ATP8A1: variants seen among roughly 807,000 people sequenced by gnomAD.
The protein encoded by ATP8A1 is ATPase phospholipid transporting 8A1.
In ATP8A1, 90 loss-of-function variants were observed where a neutral mutation model predicts 177.7. The observed-to-expected ratio is 0.51, with a 90% CI of 0.43 to 0.60. The LOEUF is 0.60. Ranked by LOEUF, ATP8A1 falls within the 20% of genes least tolerant of loss-of-function variation. The probability of loss-of-function intolerance (pLI) is 0.00; values close to 1 mark genes in which losing one functional copy is unlikely to be tolerated. For missense variants in ATP8A1, 1,072 were observed against 1,392.8 expected, an observed-to-expected ratio of 0.77 and a Z score of 3.67; for synonymous variants, 493 against 485.9, an observed-to-expected ratio of 1.01 and a Z score of -0.19.
At chr4:42,458,792 C>T (rs1052744268) in intron 27 of ATP8A1, among the ~76,000 whole-genome samples, 29 of 152,196 alleles carry the variant, frequency 1.9e-4, no homozygotes, top group African/African-American at 7.0e-4. Flanking sequence ...TTCCACCTCC[C>T]AGTAGAGGCG....
At chr4:42,545,697 G>T (rs1728836285) in intron 19 of ATP8A1, among the ~76,000 whole-genome samples, 2 of 151,976 alleles carry the variant, frequency 1.3e-5, no homozygotes, top group South Asian at 4.1e-4. Context: ...TTTTTGCCCG[G>T]GTATGGTGGC....
chr4:42,435,294 C>T (rs913400919), intron 33 of ATP8A1, among the ~76,000 whole-genome samples: 8 of 151,854 alleles, frequency 5.3e-5, no homozygotes, highest in Admixed American at 2.0e-4. Context: ...GGCGTGGTGG[C>T]GGGCACCTGT....
At chr4:42,468,450 CACAGACACACACATACACAT>C (rs1270424605) in intron 25 of ATP8A1, among the ~76,000 whole-genome samples, 33 of 125,078 alleles carry the variant, frequency 2.6e-4, no homozygotes, top group African/African-American at 8.6e-4. Context: ...CACACACACA[CACAGACACACACATACACAT>C]ATATGAATGA....
At chr4:42,633,061 T>C (rs898015058) in intron 1 of ATP8A1, among the ~76,000 whole-genome samples, 1 of 152,218 alleles carries the variant, frequency 6.6e-6, no homozygotes, top group African/African-American at 2.4e-5. Flanking sequence ...ACAGCAACAG[T>C]TGCCTTCCTT....
intron 33 of ATP8A1, among the ~76,000 whole-genome samples, chr4:42,434,178 TA>T (rs950786199): frequency 1.3e-5 from 2 of 152,170 alleles, no homozygotes; most frequent in Admixed American, 6.5e-5. Flanking sequence ...ACAGTATTAG[TA>T]AAAAAAATTT....
intron 24 of ATP8A1, among the ~76,000 whole-genome samples, chr4:42,488,376 G>A (rs1051876489): frequency 2.6e-5 from 4 of 151,542 alleles, no homozygotes; most frequent in Non-Finnish European, 2.9e-5. Context: ...GCGGTAGCCT[G>A]TCTTTTTCTA....
At chr4:42,486,789 C>T (rs542015026) in intron 24 of ATP8A1, among the ~76,000 whole-genome samples, 6 of 152,266 alleles carry the variant, frequency 3.9e-5, no homozygotes, top group South Asian at 2.1e-4. Flanking sequence ...GTGTTACAAC[C>T]GCCTACAGTA....
chr4:42,575,655 A>G lies in ATP8A1; in HGVS notation c.1173T>C (p.Ala391=). ...GTTCCTCATTCAGATTAGATGTTCG[A>G]GCCATAGCAGCAGTGTCTGTGGGTT... The part of the protein sequence containing the change: ...HYEPTDTAAM[A]RTSNLNEELG... The change falls in exon 13 of 37, where the codon GCT becomes GCC. Residue 391 remains alanine (A), a synonymous_variant. Coordinates refer to ENST00000381668, the MANE Select transcript of ATP8A1 (RefSeq NM_006095.2). 2 of 1,613,760 alleles carry G rather than the reference A, an allele frequency of 1.2e-6. No homozygotes were observed. The highest frequency in any genetic ancestry group is 1.7e-6 in the Non-Finnish European group (2 of 1,179,752).
At chr4:42,549,302 T>C (rs1343488889) in intron 18 of ATP8A1, among the ~76,000 whole-genome samples, 1 of 152,110 alleles carries the variant, frequency 6.6e-6, no homozygotes, top group Non-Finnish European at 1.5e-5. Flanking sequence ...TCTTAGAATA[T>C]AACCTGTCCA....
At chr4:42,416,868 A>G (rs1021384833) in intron 35 of ATP8A1, among the ~76,000 whole-genome samples, 2 of 152,208 alleles carry the variant, frequency 1.3e-5, no homozygotes, top group Non-Finnish European at 2.9e-5. Context: ...CAACTAGAAC[A>G]GAGATCATCA....
chr4:42,555,151 TATCTATCTATCTATC>T (rs1730040410), intron 16 of ATP8A1, among the ~76,000 whole-genome samples: 1 of 100,216 alleles, frequency 1.0e-5, no homozygotes, highest in South Asian at 3.1e-4. Flanking sequence ...TCTATCTATC[TATCTATCTATCTATC>T]TATCTATCTA....
chr4:42,430,319 A>G (rs1055084921), intron 33 of ATP8A1, among the ~76,000 whole-genome samples: 1 of 151,912 alleles, frequency 6.6e-6, no homozygotes, highest in Non-Finnish European at 1.5e-5. Flanking sequence ...TGTACATACT[A>G]TTCTTAACAG....
intron 35 of ATP8A1, among the ~76,000 whole-genome samples, chr4:42,422,337 G>A (rs951358290): frequency 6.6e-6 from 1 of 152,062 alleles, no homozygotes; most frequent in African/African-American, 2.4e-5. Flanking sequence ...TTATCTGCCC[G>A]CCTCGGCCTC....
At chr4:42,607,632 G>T (rs967469366) in intron 5 of ATP8A1, among the ~76,000 whole-genome samples, 6 of 146,870 alleles carry the variant, frequency 4.1e-5, no homozygotes, top group Admixed American at 2.0e-4. Flanking sequence ...GATTCTACAG[G>T]TTTTTTTTTT....
At chr4:42,490,663 T>G (rs1370564845) in intron 24 of ATP8A1, among the ~76,000 whole-genome samples, 1 of 152,214 alleles carries the variant, frequency 6.6e-6, no homozygotes, top group Non-Finnish European at 1.5e-5. Flanking sequence ...TTCACTTCTC[T>G]TTGCATCTTC....
At chr4:42,491,521 T>A (rs1474131116) in intron 24 of ATP8A1, among the ~76,000 whole-genome samples, 1 of 152,166 alleles carries the variant, frequency 6.6e-6, no homozygotes, top group Non-Finnish European at 1.5e-5. Context: ...AAAACAGGCC[T>A]ATATCATAAA....
intron 29 of ATP8A1, among the ~76,000 whole-genome samples, chr4:42,454,252 T>A (rs1038092756): frequency 6.6e-6 from 1 of 152,204 alleles, no homozygotes; most frequent in African/African-American, 2.4e-5. Context: ...CCTAGCACTA[T>A]CGTTTATGCT....
intron 25 of ATP8A1, among the ~76,000 whole-genome samples, chr4:42,483,487 A>G (rs1270367626): frequency 6.6e-6 from 1 of 152,010 alleles, no homozygotes; most frequent in Non-Finnish European, 1.5e-5. Context: ...GGGGCCACAC[A>G]CATCTTTATA....
intron 1 of ATP8A1, among the ~76,000 whole-genome samples, chr4:42,630,531 T>C (rs1046645757): frequency 2.0e-5 from 3 of 152,210 alleles, no homozygotes; most frequent in African/African-American, 7.2e-5. Context: ...CTTCTTTGTC[T>C]GTAAAGTCAT....
Sources: gnomAD v4.1 joint callset for allele counts (sites outside exome capture counted in the v4.1 genomes callset) on GRCh38, gnomAD v4.1.1 for gene constraint, MANE v1.5 for transcripts, NCBI Gene and HGNC (gene_info 2026-07-23, HGNC 2026-07-21) for gene names.